PALLD: variants seen among roughly 807,000 people sequenced by gnomAD.
The protein encoded by PALLD is palladin, cytoskeletal associated protein.
Under a neutral mutation model 123.5 loss-of-function variants are expected in PALLD, and 61 were observed. The ratio of observed to expected loss-of-function variants is 0.49; its 90% confidence interval spans 0.40 to 0.61. The LOEUF (loss-of-function observed/expected upper bound fraction) is 0.61, where lower values mean the gene tolerates loss of function less well. PALLD is among the 20% of genes least tolerant of loss of function. The pLI, the probability that PALLD is intolerant of heterozygous loss-of-function variation, is 0.00. For synonymous variants in PALLD, 465 were observed against 496.4 expected (o/e 0.94, Z 0.84); for missense variants, 1,273 against 1,377.0 (o/e 0.92, Z 1.20).
chr4:168,751,325 T>C (rs987435742), intron 10 of PALLD, among the ~76,000 whole-genome samples: 4 of 152,154 alleles, frequency 2.6e-5, no homozygotes, highest in African/African-American at 7.2e-5. Flanking sequence ...ATATTATATT[T>C]TTGAAGCCTC....
chr4:168,641,491 A>C (rs1286185878), intron 2 of PALLD, among the ~76,000 whole-genome samples: 1 of 152,030 alleles, frequency 6.6e-6, no homozygotes, highest in African/African-American at 2.4e-5. Flanking sequence ...CTCTCTGATG[A>C]CCCTAAGACC....
At chr4:168,703,748 A>G (rs1783936544) in intron 8 of PALLD, among the ~76,000 whole-genome samples, 1 of 142,238 alleles carries the variant, frequency 7.0e-6, no homozygotes, top group African/African-American at 2.8e-5. Flanking sequence ...CCACTTTTTG[A>G]TGGGGTTGTT....
At chr4:168,910,372 A>C (rs1022805168) in intron 15 of PALLD, among the ~76,000 whole-genome samples, 1 of 152,028 alleles carries the variant, frequency 6.6e-6, no homozygotes, top group African/African-American at 2.4e-5. Flanking sequence ...TGTGCTTAGC[A>C]CCTTTCAAGC....
intron 2 of PALLD, among the ~76,000 whole-genome samples, chr4:168,576,251 T>G (rs965828058): frequency 2.6e-5 from 4 of 152,042 alleles, no homozygotes; most frequent in Non-Finnish European, 4.4e-5. Context: ...TTTTTTATTA[T>G]TATACTTTGA....
At chr4:168,727,057 C>A (rs982149260) in intron 10 of PALLD, among the ~76,000 whole-genome samples, 20 of 152,274 alleles carry the variant, frequency 1.3e-4, no homozygotes, top group African/African-American at 4.8e-4. Flanking sequence ...TACATGATTT[C>A]ATTCTTTTAT....
chr4:168,514,309 C>T (rs981848501), intron 2 of PALLD, among the ~76,000 whole-genome samples: 35 of 152,180 alleles, frequency 2.3e-4, no homozygotes, highest in African/African-American at 7.5e-4. Context: ...TTAATCTGAC[C>T]TCATTGTGCA....
At chr4:168,760,047 C>CAAA (rs550788154) in intron 10 of PALLD, among the ~76,000 whole-genome samples, 5 of 127,578 alleles carry the variant, frequency 3.9e-5, no homozygotes, top group African/African-American at 1.1e-4. Flanking sequence ...GAGACTGTCT[C>CAAA]AAAAAAAAAA....
At position 168,691,256 on chromosome 4, in the gene PALLD, A is replaced by T. The variant is rs765050681; in HGVS notation, c.1478-13A>T. 5 of 1,604,516 alleles carry T rather than the reference A, an allele frequency of 3.1e-6. No homozygotes were observed. Among genetic ancestry groups the T allele is most frequent in the Non-Finnish European group, 4.3e-6 (5 of 1,172,080 alleles). On this transcript the variant is annotated splice_polypyrimidine_tract_variant and intron_variant, in intron 7 of 21. Coordinates refer to ENST00000505667, the MANE Select transcript of PALLD (RefSeq NM_001166108.2). The stretch of plus-strand genomic sequence containing the variant: ...TACTTTGTTCTAATTTATTTTTTTC[A>T]TGTGGCAAACAGAACCTAGATCTAC...
chr4:168,582,500 T>A (rs1250185610), intron 2 of PALLD, among the ~76,000 whole-genome samples: 1 of 152,138 alleles, frequency 6.6e-6, no homozygotes, highest in African/African-American at 2.4e-5. Flanking sequence ...TCCTGTACTA[T>A]GTTGAATTTC....
intron 10 of PALLD, among the ~76,000 whole-genome samples, chr4:168,716,768 T>A (rs1785405861): frequency 6.6e-6 from 1 of 152,216 alleles, no homozygotes; most frequent in Non-Finnish European, 1.5e-5. Context: ...AAAATATCAT[T>A]TCATGAGATG....
At chr4:168,820,489 G>A (rs2069132523) in intron 10 of PALLD, among the ~76,000 whole-genome samples, 1 of 152,144 alleles carries the variant, frequency 6.6e-6, no homozygotes, top group Non-Finnish European at 1.5e-5. Flanking sequence ...GTATAGCTAT[G>A]CTTTGAGGAC....
intron 2 of PALLD, among the ~76,000 whole-genome samples, chr4:168,643,222 C>T (rs1777127647): frequency 6.6e-6 from 1 of 152,190 alleles, no homozygotes; most frequent in East Asian, 1.9e-4. Context: ...GTCTGGTTTG[C>T]TAACCACAGT....
intron 10 of PALLD, among the ~76,000 whole-genome samples, chr4:168,854,701 C>T (rs1373774222): frequency 6.6e-6 from 1 of 152,134 alleles, no homozygotes; most frequent in Non-Finnish European, 1.5e-5. Context: ...CTGTTCTCTA[C>T]TATATATAGT....
At chr4:168,846,977 C>T (rs1049848514) in intron 10 of PALLD, among the ~76,000 whole-genome samples, 3 of 152,144 alleles carry the variant, frequency 2.0e-5, no homozygotes, top group Non-Finnish European at 4.4e-5. Flanking sequence ...AAAGAAAAGG[C>T]CTGAAATTAG....
At chr4:168,519,881 T>C (rs1456553460) in intron 2 of PALLD, among the ~76,000 whole-genome samples, 1 of 145,668 alleles carries the variant, frequency 6.9e-6, no homozygotes, top group Non-Finnish European at 1.5e-5. Context: ...TCTTATTCTT[T>C]TATTTCTTAA....
intron 10 of PALLD, among the ~76,000 whole-genome samples, chr4:168,870,725 C>T (rs980627341): frequency 6.6e-6 from 1 of 152,096 alleles, no homozygotes; most frequent in East Asian, 1.9e-4. Context: ...TGAAAAACTA[C>T]CCCAGAAAGG....
chr4:168,606,346 G>A (rs1000369638), intron 2 of PALLD, among the ~76,000 whole-genome samples: 4 of 152,080 alleles, frequency 2.6e-5, no homozygotes, highest in South Asian at 2.1e-4. Flanking sequence ...CTTGCCCCGC[G>A]TCAGCTGGAG....
intron 5 of PALLD, among the ~76,000 whole-genome samples, chr4:168,683,986 T>C (rs1053629475): frequency 2.6e-5 from 4 of 152,238 alleles, no homozygotes; most frequent in Non-Finnish European, 5.9e-5. Flanking sequence ...TACTCAGAGA[T>C]GGCATATATA....
intron 10 of PALLD, among the ~76,000 whole-genome samples, chr4:168,724,881 A>G (rs550029665): frequency 6.6e-6 from 1 of 152,124 alleles, no homozygotes; most frequent in African/African-American, 2.4e-5. Flanking sequence ...TGCTGAGAGG[A>G]AAGGCCTTCA....
Sources: allele counts gnomAD v4.1 joint callset (sites outside exome capture counted in the v4.1 genomes callset), GRCh38; gene constraint gnomAD v4.1.1; transcripts MANE v1.5; gene names NCBI Gene and HGNC (gene_info 2026-07-23, HGNC 2026-07-21).